Variants in EXOC6 observed in about 807,000 individuals in gnomAD.
EXOC6 encodes exocyst complex component 6.
A neutral mutation model predicts 112.5 loss-of-function variants in EXOC6; 60 were observed. The ratio of observed to expected loss-of-function variants is 0.53; its 90% confidence interval spans 0.43 to 0.66. The LOEUF (loss-of-function observed/expected upper bound fraction) is 0.66, where lower values mean the gene tolerates loss of function less well. EXOC6 is among the 30% of genes least tolerant of loss of function. The pLI is 0.00. For missense variants in EXOC6, 855 were observed against 957.1 expected, an observed-to-expected ratio of 0.89 and a Z score of 1.41; for synonymous variants, 295 against 308.0, an observed-to-expected ratio of 0.96 and a Z score of 0.44.
intron 17 of EXOC6, among the ~76,000 whole-genome samples, chr10:92,965,011 G>C (rs1841986239): frequency 6.6e-6 from 1 of 152,140 alleles, no homozygotes; most frequent in East Asian, 1.9e-4. Flanking sequence ...TTTTGTAAGA[G>C]GATGGGACTG....
At chr10:92,882,187 A>G (rs768017574) in intron 1 of EXOC6, among the ~76,000 whole-genome samples, 9 of 152,136 alleles carry the variant, frequency 5.9e-5, no homozygotes, top group East Asian at 1.9e-4. Context: ...AACTAACTAT[A>G]GTAGAAATAT....
intron 18 of EXOC6, among the ~76,000 whole-genome samples, chr10:92,978,329 GAGCGTGGGAGGTGC>G (rs1311228351): frequency 6.6e-6 from 1 of 152,120 alleles, no homozygotes; most frequent in Non-Finnish European, 1.5e-5. Context: ...AGGATGGCTT[GAGCGTGGGAGGTGC>G]AGGCTCCAGT....
chr10:92,926,496 T>C (rs1851729447), intron 8 of EXOC6, among the ~76,000 whole-genome samples: 1 of 150,066 alleles, frequency 6.7e-6, no homozygotes, highest in African/African-American at 2.4e-5. Flanking sequence ...TGGGGTTTCA[T>C]GGTAAAAAGG....
chr10:93,035,684 G>C (rs1287262194), intron 20 of EXOC6, among the ~76,000 whole-genome samples: 1 of 151,756 alleles, frequency 6.6e-6, no homozygotes, highest in Non-Finnish European at 1.5e-5. Flanking sequence ...GCAAAACCCC[G>C]TCTCTACTAA....
At chr10:92,967,938 G>A (rs1160256767) in intron 17 of EXOC6, among the ~76,000 whole-genome samples, 1 of 152,128 alleles carries the variant, frequency 6.6e-6, no homozygotes, top group Non-Finnish European at 1.5e-5. Context: ...ACATGAATGA[G>A]GGAACTGATT....
chr10:92,989,780 T>G (rs1474990482), intron 18 of EXOC6, among the ~76,000 whole-genome samples: 1 of 152,168 alleles, frequency 6.6e-6, no homozygotes, highest in East Asian at 1.9e-4. Flanking sequence ...AAACTCAAAT[T>G]GTTATTGTCA....
intron 21 of EXOC6, among the ~76,000 whole-genome samples, chr10:93,057,473 G>GA (rs533360205): frequency 7.6e-4 from 112 of 147,816 alleles, no homozygotes; most frequent in Admixed American, 3.4e-4. Flanking sequence ...TATGTGATTT[G>GA]AAAAAAAAAA....
intron 19 of EXOC6, among the ~76,000 whole-genome samples, chr10:93,012,939 T>G (rs1844324966): frequency 6.6e-6 from 1 of 151,962 alleles, no homozygotes; most frequent in Admixed American, 6.6e-5. Flanking sequence ...TCCCAGCTAC[T>G]TGGGAGGCTG....
chr10:92,876,796 G>A (rs1589747167), intron 1 of EXOC6, among the ~76,000 whole-genome samples: 1 of 152,116 alleles, frequency 6.6e-6, no homozygotes, highest in Non-Finnish European at 1.5e-5. Flanking sequence ...GATAGGGGCT[G>A]TAAGAAAAAT....
chr10:92,971,305 A>G (rs1842285827), intron 17 of EXOC6, among the ~76,000 whole-genome samples: 1 of 151,920 alleles, frequency 6.6e-6, no homozygotes, highest in African/African-American at 2.4e-5. Context: ...TGGCCTCCCA[A>G]AGTGCTGGGA....
chr10:92,918,833 C>T (rs1268072203), intron 7 of EXOC6, among the ~76,000 whole-genome samples: 1 of 152,028 alleles, frequency 6.6e-6, no homozygotes, highest in Non-Finnish European at 1.5e-5. Context: ...TATGTATGCA[C>T]ATATGTGTAT....
At chr10:92,932,050 G>T (rs1047898257) in intron 9 of EXOC6, among the ~76,000 whole-genome samples, 3 of 152,046 alleles carry the variant, frequency 2.0e-5, no homozygotes, top group African/African-American at 2.4e-5. Context: ...GTGAACTAGT[G>T]AATAAATTGT....
intron 8 of EXOC6, among the ~76,000 whole-genome samples, chr10:92,922,032 G>A (rs937932263): frequency 6.6e-6 from 1 of 151,720 alleles, no homozygotes; most frequent in Non-Finnish European, 1.5e-5. Flanking sequence ...TACAACCTGC[G>A]CCTCCTGGGT....
chr10:92,851,676 A>C (rs907833822), intron 1 of EXOC6, among the ~76,000 whole-genome samples: 1 of 151,956 alleles, frequency 6.6e-6, no homozygotes, highest in African/African-American at 2.4e-5. Context: ...AAACAAACAA[A>C]AAAAAAACAA....
chr10:92,911,153 C>T (rs1850737352), intron 6 of EXOC6, among the ~76,000 whole-genome samples: 2 of 152,152 alleles, frequency 1.3e-5, no homozygotes, highest in South Asian at 4.1e-4. Context: ...CAATGCTCAA[C>T]ACTATTTCTT....
intron 5 of EXOC6, among the ~76,000 whole-genome samples, chr10:92,904,980 G>A (rs1433925906): frequency 6.6e-6 from 1 of 151,902 alleles, no homozygotes; most frequent in Non-Finnish European, 1.5e-5. Flanking sequence ...AAAAAGTGAA[G>A]GTCACTGTTT....
chr10:92,962,773 T>TAGA (rs1274994586), intron 17 of EXOC6, among the ~76,000 whole-genome samples: 5 of 152,168 alleles, frequency 3.3e-5, no homozygotes, highest in Admixed American at 6.6e-5. Flanking sequence ...TCTTTTAATC[T>TAGA]AGAAGAGCAG....
At chr10:92,890,234 T>C (rs1372305828) in intron 1 of EXOC6, among the ~76,000 whole-genome samples, 3 of 152,200 alleles carry the variant, frequency 2.0e-5, no homozygotes, top group Non-Finnish European at 2.9e-5. Flanking sequence ...CTAATGTAAA[T>C]AGTATTGTGT....
At chr10:92,894,710 C>A in intron 2 of EXOC6, 84 bp from the exon 3 acceptor site, 1 of 1,035,100 alleles carries the variant, frequency 9.7e-7, no homozygotes, top group South Asian at 1.4e-5. Flanking sequence ...TCTCATGAAG[C>A]ATGATCTGAT....
Sources: allele counts gnomAD v4.1 joint callset (sites outside exome capture counted in the v4.1 genomes callset), GRCh38; gene constraint gnomAD v4.1.1; transcripts MANE v1.5; gene names NCBI Gene and HGNC (gene_info 2026-07-23, HGNC 2026-07-21).